The following SLC35F4 variants were observed in gnomAD, a reference collection of about 807,000 sequenced individuals.
SLC35F4 encodes the protein solute carrier family 35 member F4, also known as chromosome 14 open reading frame 36.
In SLC35F4, 24 loss-of-function variants were observed where a neutral mutation model predicts 44.2. That is an observed-to-expected ratio of 0.54 (90% CI 0.39 to 0.76). The LOEUF (loss-of-function observed/expected upper bound fraction) is 0.76. Among genes scored for constraint, SLC35F4 ranks in the 30% least tolerant of loss-of-function variants. The pLI is 0.00. For synonymous variants in SLC35F4, 238 were observed against 223.6 expected (o/e 1.06, Z -0.57); for missense variants, 562 against 586.1 (o/e 0.96, Z 0.42).
At chr14:57,767,251 A>G (rs1460447626) in intron 1 of SLC35F4, among the ~76,000 whole-genome samples, 1 of 152,228 alleles carries the variant, frequency 6.6e-6, no homozygotes, top group Admixed American at 6.5e-5. Flanking sequence ...ATTGGCATGT[A>G]TAGAACTGTA....
intron 1 of SLC35F4, among the ~76,000 whole-genome samples, chr14:57,808,615 T>A (rs1456952736): frequency 6.7e-6 from 1 of 149,850 alleles, no homozygotes; most frequent in African/African-American, 2.5e-5. Flanking sequence ...TTGGGCAATA[T>A]GGCAAGATCC....
chr14:57,960,318 C>T (rs977166090), intron 1 of SLC35F4, among the ~76,000 whole-genome samples: 4 of 152,166 alleles, frequency 2.6e-5, no homozygotes, highest in Admixed American at 1.3e-4. Flanking sequence ...CTCACTCAGA[C>T]GTCACATGAC....
At chr14:57,787,595 G>A (rs2077799046) in intron 1 of SLC35F4, among the ~76,000 whole-genome samples, 1 of 152,006 alleles carries the variant, frequency 6.6e-6, no homozygotes, top group Non-Finnish European at 1.5e-5. Flanking sequence ...AAGGGATTGG[G>A]GCCTATCTTC....
Position 57,883,872 on chromosome 14 carries a change from A to G in SLC35F4, n.282+98041T>C, listed in dbSNP as rs1729043235. Among the ~76,000 whole-genome samples the G allele has an allele frequency of 2.0e-5, 3 of 152,122 alleles. No individual in the cohort carries two copies. The South Asian group carries it at 6.2e-4, about 32-fold the overall frequency. On this transcript the variant is annotated intron_variant and non_coding_transcript_variant, in intron 1 of 1. Transcript: ENST00000556568. ...CCTTCTAATCTTTCTAGGTCCATCT[A>G]TTTTTTAACAAATATTTCTTTCTAA...
intron 1 of SLC35F4, among the ~76,000 whole-genome samples, chr14:57,707,347 C>T (rs1000531323): frequency 5.9e-5 from 9 of 152,110 alleles, no homozygotes; most frequent in South Asian, 2.1e-4. Context: ...GATTGGATCA[C>T]GGGGGCAGTT....
intron 1 of SLC35F4, among the ~76,000 whole-genome samples, chr14:57,850,546 C>T (rs1367070636): frequency 6.6e-5 from 10 of 152,206 alleles, no homozygotes; most frequent in African/African-American, 2.4e-4. Flanking sequence ...AAAAGGAAGC[C>T]CATTCATAGA....
chr14:57,679,838 C>T (rs980684826), intron 1 of SLC35F4, among the ~76,000 whole-genome samples: 3 of 151,918 alleles, frequency 2.0e-5, no homozygotes, highest in Non-Finnish European at 2.9e-5. Flanking sequence ...AAGTCGAATC[C>T]CTGAATCGAC....
At chr14:57,580,331 T>C (rs1456370863) in intron 4 of SLC35F4, 1 of 165,582 alleles carries the variant, frequency 6.0e-6, no homozygotes, top group Non-Finnish European at 1.3e-5. Flanking sequence ...ATAAGAGCAA[T>C]GTTTTTATAA....
At chr14:57,953,165 A>G (rs7146252) in intron 1 of SLC35F4, among the ~76,000 whole-genome samples, 17,891 of 152,068 alleles carry the variant, frequency 0.12, 1,164 homozygotes, top group African/African-American at 0.17. Flanking sequence ...TTTTCAACCC[A>G]GAATATCCAG....
intron 1 of SLC35F4, among the ~76,000 whole-genome samples, chr14:57,687,489 T>C (rs2075101463): frequency 6.6e-6 from 1 of 152,218 alleles, no homozygotes; most frequent in Non-Finnish European, 1.5e-5. Flanking sequence ...TTTCTCACTC[T>C]GAACATTTTT....
chr14:57,840,832 G>A (rs930849311), intron 1 of SLC35F4, among the ~76,000 whole-genome samples: 29 of 152,106 alleles, frequency 1.9e-4, no homozygotes, highest in African/African-American at 6.5e-4. Context: ...TTTAAGCCAT[G>A]GTTATTAATG....
intron 1 of SLC35F4, among the ~76,000 whole-genome samples, chr14:57,654,271 A>T (rs1407370271): frequency 7.9e-5 from 12 of 152,066 alleles, no homozygotes; most frequent in Admixed American, 2.0e-4. Context: ...CCAATACATA[A>T]TCCATTGTAT....
At chr14:57,930,794 A>T (rs1889682308) in intron 1 of SLC35F4, among the ~76,000 whole-genome samples, 1 of 152,192 alleles carries the variant, frequency 6.6e-6, no homozygotes, top group Non-Finnish European at 1.5e-5. Flanking sequence ...AATGTGAGAA[A>T]TATTTAGAGG....
intron 1 of SLC35F4, among the ~76,000 whole-genome samples, chr14:57,627,987 C>T (rs1594634047): frequency 6.6e-6 from 1 of 152,010 alleles, no homozygotes. Context: ...CTCAATTCAC[C>T]TATGTAGAAA....
At chr14:57,877,055 G>A (rs1221233809) in intron 1 of SLC35F4, among the ~76,000 whole-genome samples, 2 of 151,610 alleles carry the variant, frequency 1.3e-5, no homozygotes, top group Non-Finnish European at 1.5e-5. Flanking sequence ...GGTTTGTTAC[G>A]TGGGTAAACT....
chr14:57,586,717 C>CAAAAAAAAA lies in SLC35F4; in HGVS notation c.587+2490_587+2498dup, dbSNP rs543963927. 4.7e-3 allele frequency among the ~76,000 whole-genome samples: 59 copies of CAAAAAAAAA among 12,494 alleles called. 9 individuals carry two copies. Among genetic ancestry groups the CAAAAAAAAA allele is most frequent in the East Asian group, 0.032 (4 of 126 alleles). The allele number at this position is 12,494 out of a possible 152,430, so 8.2% of individuals were successfully genotyped here. ...TGGGTGACAGAGCGAGACTCTGTCTCAAAAAAAAAAAAAAAAAAAAAAAAA... is the reference window on the plus strand; with the variant it reads ...TGGGTGACAGAGCGAGACTCTGTCTCAAAAAAAAAAAAAAAAAAAAAAAAAAAAAAAAAA... On this transcript the variant is annotated intron_variant, in intron 3 of 7. Coordinates refer to ENST00000556826, the MANE Select transcript of SLC35F4 (RefSeq NM_001306087.2).
intron 1 of SLC35F4, among the ~76,000 whole-genome samples, chr14:57,877,149 T>A (rs8018043): frequency 0.31 from 46,436 of 151,924 alleles, 10,947 homozygotes; most frequent in African/African-American, 0.65. Context: ...TTCAATCCTT[T>A]CCCTCCTCCC....
intron 1 of SLC35F4, among the ~76,000 whole-genome samples, chr14:57,782,747 C>T (rs1483262551): frequency 6.6e-6 from 1 of 152,154 alleles, no homozygotes; most frequent in Non-Finnish European, 1.5e-5. Context: ...CTGATCTCTC[C>T]CAGTTCACAC....
At chr14:57,959,598 A>G (rs780291568) in intron 1 of SLC35F4, among the ~76,000 whole-genome samples, 5 of 152,184 alleles carry the variant, frequency 3.3e-5, no homozygotes, top group Non-Finnish European at 7.4e-5. Flanking sequence ...GCCATGACAA[A>G]TGTGACCACT....
Sources: gnomAD v4.1 joint callset for allele counts (sites outside exome capture counted in the v4.1 genomes callset) on GRCh38, gnomAD v4.1.1 for gene constraint, MANE v1.5 for transcripts, NCBI Gene and HGNC (gene_info 2026-07-23, HGNC 2026-07-21) for gene names.